CSMD3: variants seen among roughly 807,000 people sequenced by gnomAD.
The protein encoded by CSMD3 is CUB and Sushi multiple domains 3.
A neutral mutation model predicts 435.2 loss-of-function variants in CSMD3; 177 were observed. That is an observed-to-expected ratio of 0.41 (90% CI 0.36 to 0.46). The LOEUF is 0.46. Among genes scored for constraint, CSMD3 ranks in the 20% least tolerant of loss-of-function variants. CSMD3 has a pLI of 0.34. For synonymous variants in CSMD3, 1,656 were observed against 1,520.5 expected (o/e 1.09, Z -2.07); for missense variants, 4,265 against 4,504.6 (o/e 0.95, Z 1.52).
intron 3 of CSMD3, among the ~76,000 whole-genome samples, chr8:113,247,082 T>C (rs1333269674): frequency 2.0e-5 from 3 of 152,212 alleles, no homozygotes; most frequent in Non-Finnish European, 4.4e-5. Flanking sequence ...TGTAGGATTA[T>C]GTCAAAGGCT....
chr8:112,247,254 A>T, intron 63 of CSMD3, 123 bp from the exon 64 acceptor site: 1 of 667,604 alleles, frequency 1.5e-6, no homozygotes, highest in South Asian at 1.7e-5. Flanking sequence ...GAAGAAAAAA[A>T]TAATTGAAAT....
chr8:112,934,954 G>A (rs895242814), intron 9 of CSMD3, among the ~76,000 whole-genome samples: 2 of 151,858 alleles, frequency 1.3e-5, no homozygotes, highest in African/African-American at 4.8e-5. Context: ...CTGTGCTTTT[G>A]GGGTCATATC....
At chr8:113,315,083 T>C (rs1036910193) in intron 1 of CSMD3, among the ~76,000 whole-genome samples, 4 of 152,214 alleles carry the variant, frequency 2.6e-5, no homozygotes, top group Non-Finnish European at 5.9e-5. Context: ...CAGGTTCCTA[T>C]AGACAAACAC....
intron 5 of CSMD3, among the ~76,000 whole-genome samples, chr8:113,071,254 G>C (rs776258265): frequency 7.9e-5 from 12 of 151,930 alleles, no homozygotes; most frequent in Non-Finnish European, 1.2e-4. Context: ...CATATGGCTT[G>C]AAATATTTCT....
chr8:112,831,341 C>A (rs2079866215), intron 11 of CSMD3, among the ~76,000 whole-genome samples: 1 of 138,998 alleles, frequency 7.2e-6, no homozygotes, highest in Admixed American at 7.4e-5. Flanking sequence ...TTTTTTTTGG[C>A]TACTATAAGC....
chr8:112,613,118 GAGA>G (rs1833393744), intron 22 of CSMD3, among the ~76,000 whole-genome samples: 1 of 152,020 alleles, frequency 6.6e-6, no homozygotes, highest in Admixed American at 6.6e-5. Context: ...TAAAATTACT[GAGA>G]AGAAGATCGT....
intron 54 of CSMD3, among the ~76,000 whole-genome samples, chr8:112,293,860 G>A (rs1215359434): frequency 2.0e-5 from 3 of 152,118 alleles, no homozygotes; most frequent in Non-Finnish European, 2.9e-5. Context: ...TATTGTTAAT[G>A]TCAACCTACC....
chr8:112,799,493 A>AT (rs1025038533), intron 13 of CSMD3, among the ~76,000 whole-genome samples: 2 of 151,782 alleles, frequency 1.3e-5, no homozygotes, highest in Non-Finnish European at 1.5e-5. Context: ...CTTATTAGTA[A>AT]TTTTTTCAGT....
rs61759498 is a variant in CSMD3 at position 112,947,804 on chromosome 8, G to T, written c.1494C>A (p.Ile498=). 1 of 1,416,630 alleles carries T rather than the reference G, an allele frequency of 7.1e-7. No homozygotes were observed. The highest frequency in any genetic ancestry group is 1.0e-6 in the Non-Finnish European group (1 of 1,002,536). 87.8% of individuals were successfully genotyped at this position (1,416,630 alleles called of 1,614,324 possible). Residue 498 remains isoleucine, a synonymous_variant, in exon 9 of 71, where the codon ATC becomes ATA. Transcript: ENST00000297405. ...TAAAATATTACCTAAAATCTGATCC[G>T]ATTCTCTTCCCATTTTCTGGTTCTC... ...DPGEPENGKR[I]GSDFSLGSTV... is the part of the protein sequence containing the mutation.
intron 9 of CSMD3, among the ~76,000 whole-genome samples, chr8:112,936,790 C>T (rs2130740960): frequency 6.6e-6 from 1 of 152,128 alleles, no homozygotes; most frequent in Admixed American, 6.5e-5. Context: ...ACTACCCAGC[C>T]AGAAATAATT....
In CSMD3 at chr8:113,143,666, CA is replaced by C. The variant is rs567311165; in HGVS notation, c.709+30055del. ...ACATGCAAAAATTTGCATGCATCCC[CA>C]GGGAATTATGCTGAGTAAAAAATGT... is the stretch of plus-strand genomic sequence containing the variant. On this transcript the variant is annotated intron_variant, in intron 4 of 70. Transcript: ENST00000297405. 7.9e-4 allele frequency among the ~76,000 whole-genome samples: 119 copies of C among 151,386 alleles called. 1 individual carries two copies. Among genetic ancestry groups the C allele is most frequent in the African/African-American group, 2.7e-3 (111 of 41,426 alleles).
At chr8:112,791,099 G>T (rs1167752714) in intron 13 of CSMD3, among the ~76,000 whole-genome samples, 1 of 152,080 alleles carries the variant, frequency 6.6e-6, no homozygotes, top group South Asian at 2.1e-4. Context: ...GAGGCTGGAG[G>T]ATCACTTGAG....
intron 5 of CSMD3, among the ~76,000 whole-genome samples, chr8:113,067,059 A>C (rs1048530946): frequency 6.6e-6 from 1 of 152,144 alleles, no homozygotes; most frequent in Non-Finnish European, 1.5e-5. Context: ...TTTTGAAATG[A>C]CAAGTGAAGA....
At chr8:112,788,925 T>C (rs2078619872) in intron 13 of CSMD3, among the ~76,000 whole-genome samples, 1 of 152,086 alleles carries the variant, frequency 6.6e-6, no homozygotes, top group African/African-American at 2.4e-5. Context: ...CTTACTCAAA[T>C]ATAAACATTT....
intron 2 of CSMD3, among the ~76,000 whole-genome samples, chr8:113,288,534 A>T (rs192053305): frequency 1.4e-3 from 214 of 151,996 alleles, no homozygotes; most frequent in Middle Eastern, 6.8e-3. Flanking sequence ...TCCATTGAAT[A>T]ACTGACGTTT....
chr8:113,394,345 T>C (rs1483600971), intron 1 of CSMD3, among the ~76,000 whole-genome samples: 2 of 152,086 alleles, frequency 1.3e-5, no homozygotes, highest in Non-Finnish European at 2.9e-5. Flanking sequence ...CTAAAATATA[T>C]TTTTCATAGA....
intron 2 of CSMD3, among the ~76,000 whole-genome samples, chr8:113,306,581 A>G (rs555956379): frequency 1.3e-5 from 2 of 152,300 alleles, no homozygotes; most frequent in South Asian, 4.1e-4. Context: ...ATTGCATGGC[A>G]TTAAAAGAGG....
intron 49 of CSMD3, among the ~76,000 whole-genome samples, chr8:112,313,684 A>T (rs1822197792): frequency 6.6e-6 from 1 of 152,112 alleles, no homozygotes; most frequent in African/African-American, 2.4e-5. Context: ...AGTCATAAAT[A>T]TCCTAAATGC....
chr8:113,152,900 G>C (rs1308683734), intron 4 of CSMD3, among the ~76,000 whole-genome samples: 15 of 151,656 alleles, frequency 9.9e-5, no homozygotes. Context: ...GAACCCAGGA[G>C]GCAGAGGTTG....
Sources: gnomAD v4.1 joint callset for allele counts (sites outside exome capture counted in the v4.1 genomes callset) on GRCh38, gnomAD v4.1.1 for gene constraint, MANE v1.5 for transcripts, NCBI Gene and HGNC (gene_info 2026-07-23, HGNC 2026-07-21) for gene names.